C4orf51: variants seen among roughly 807,000 people sequenced by gnomAD.
The protein encoded by C4orf51 is uncharacterized protein C4orf51.
In C4orf51, 25 loss-of-function variants were observed where a neutral mutation model predicts 25.2. That is an observed-to-expected ratio of 0.99 (90% CI 0.72 to 1.39). The LOEUF (loss-of-function observed/expected upper bound fraction) is 1.39, where lower values mean the gene tolerates loss of function less well. C4orf51 is among the 40% of genes most tolerant of loss of function. The probability of loss-of-function intolerance (pLI) is 0.00; values close to 1 mark genes in which losing one functional copy is unlikely to be tolerated. For synonymous variants in C4orf51, 100 were observed against 84.5 expected (o/e 1.18, Z -1.01); for missense variants, 252 against 239.6 (o/e 1.05, Z -0.34).
intron 4 of C4orf51, 127 bp downstream of exon 4, chr4:145,729,356 C>T (rs538779206): frequency 1.2e-5 from 7 of 563,978 alleles, no homozygotes; most frequent in South Asian, 2.3e-5. Context: ...GGCTGACGTG[C>T]AGTGGCGCGA....
the C4orf51 span, among the ~76,000 whole-genome samples, chr4:145,790,341 A>G: frequency 6.6e-6 from 1 of 152,210 alleles, no homozygotes; most frequent in African/African-American, 2.4e-5. Flanking sequence ...AAAGGAATAA[A>G]CTAAATGAAA....
chr4:145,703,013 A>G (rs544874661), intron 2 of C4orf51, among the ~76,000 whole-genome samples: 65 of 151,374 alleles, frequency 4.3e-4, no homozygotes, highest in African/African-American at 1.5e-3. Flanking sequence ...ACACTTCAAC[A>G]CTATTTTGTT....
intron 2 of C4orf51, among the ~76,000 whole-genome samples, chr4:145,720,516 C>T (rs2126747394): frequency 6.6e-6 from 1 of 152,318 alleles, no homozygotes; most frequent in East Asian, 1.9e-4. Flanking sequence ...GTCGGCTGAG[C>T]TGTTGCTAGC....
chr4:145,789,019 A>G, the C4orf51 span, among the ~76,000 whole-genome samples: 1 of 152,254 alleles, frequency 6.6e-6, no homozygotes, highest in Non-Finnish European at 1.5e-5. Flanking sequence ...GTCATGAAAC[A>G]TAGTTCTAGA....
intron 2 of C4orf51, among the ~76,000 whole-genome samples, chr4:145,719,826 C>T (rs751333316): frequency 1.1e-4 from 17 of 152,056 alleles, no homozygotes; most frequent in Non-Finnish European, 2.4e-4. Context: ...AAATCTGAAA[C>T]GTATGCTTGA....
At chr4:145,686,388 A>C (rs775876510) in intron 1 of C4orf51, among the ~76,000 whole-genome samples, 1 of 152,226 alleles carries the variant, frequency 6.6e-6, no homozygotes, top group Non-Finnish European at 1.5e-5. Context: ...ACTTAAAAAT[A>C]ACTAAAATGA....
At chr4:145,691,910 G>A (rs1471848540) in intron 1 of C4orf51, among the ~76,000 whole-genome samples, 7 of 152,126 alleles carry the variant, frequency 4.6e-5, no homozygotes, top group Non-Finnish European at 1.0e-4. Flanking sequence ...TGTACCCCTT[G>A]AGTCTAAAAA....
intron 1 of C4orf51, among the ~76,000 whole-genome samples, chr4:145,747,646 T>C (rs1055500107): frequency 1.3e-5 from 2 of 151,868 alleles, no homozygotes; most frequent in East Asian, 3.9e-4. Flanking sequence ...GTGACATTGA[T>C]CTTTAGTCTC....
chr4:145,754,888 A>T (rs1266997486), downstream of C4orf51, among the ~76,000 whole-genome samples: 1 of 152,222 alleles, frequency 6.6e-6, no homozygotes, highest in African/African-American at 2.4e-5. Flanking sequence ...GTGAGCCGAG[A>T]TCATGCCACT....
chr4:145,752,893 G>A (rs1203556763), intron 1 of C4orf51, among the ~76,000 whole-genome samples: 1 of 151,078 alleles, frequency 6.6e-6, no homozygotes, highest in East Asian at 1.9e-4. Flanking sequence ...GTTGAGTTCA[G>A]CCTAGTTTTG....
the C4orf51 span, among the ~76,000 whole-genome samples, chr4:145,782,679 C>A: frequency 5.3e-5 from 8 of 152,226 alleles, no homozygotes. Flanking sequence ...AGGCACAAAT[C>A]TCATCATGTC....
chr4:145,727,941 A>G (rs34758563), intron 3 of C4orf51, among the ~76,000 whole-genome samples: 71 of 86,292 alleles, frequency 8.2e-4, no homozygotes, highest in African/African-American at 5.2e-3. Context: ...TTATATATAT[A>G]CATTATATAT....
downstream of C4orf51, among the ~76,000 whole-genome samples, chr4:145,733,245 AC>A (rs1732601388): frequency 6.8e-6 from 1 of 146,074 alleles, no homozygotes; most frequent in Non-Finnish European, 1.5e-5. Flanking sequence ...TCCACGGCCC[AC>A]CTCTTCTCCC....
chr4:145,774,447 G>C, downstream of C4orf51: 2 of 1,554,412 alleles, frequency 1.3e-6, no homozygotes, highest in Non-Finnish European at 1.8e-6. Flanking sequence ...CAGGTGGCAG[G>C]TGCTCTGGGG....
Position 145,745,528 on chromosome 4 carries a change from C to G in C4orf51, n.168-8679C>G, listed in dbSNP as rs150112995. The stretch of plus-strand genomic sequence containing the variant: ...TTAACATAACAATCTCCAGTTCCAT[C>G]TATGCTGTTGCAAATGATTGGATCT... On this transcript the variant is annotated intron_variant and non_coding_transcript_variant, in intron 1 of 1. Coordinates refer to the C4orf51 transcript ENST00000508981. Among the ~76,000 whole-genome samples the G allele has an allele frequency of 6.6e-5, 10 of 152,284 alleles. No individual in the cohort carries two copies. In the East Asian group the frequency reaches 1.9e-3, roughly 29 times the overall value.
chr4:145,704,256 A>G, intron 2 of C4orf51, among the ~76,000 whole-genome samples: 1 of 152,300 alleles, frequency 6.6e-6, no homozygotes, highest in East Asian at 1.9e-4. Flanking sequence ...GTTTTAAATA[A>G]ATAAACAATA....
downstream of C4orf51, among the ~76,000 whole-genome samples, chr4:145,771,437 G>T (rs1416134841): frequency 6.6e-6 from 1 of 152,216 alleles, no homozygotes; most frequent in African/African-American, 2.4e-5. Context: ...AATGTGAGGT[G>T]AGGTATTGAT....
At chr4:145,748,778 T>C (rs981188816) in intron 1 of C4orf51, among the ~76,000 whole-genome samples, 18 of 152,248 alleles carry the variant, frequency 1.2e-4, no homozygotes, top group African/African-American at 4.3e-4. Context: ...GTTTGTTTCA[T>C]GAACTAACAT....
chr4:145,784,266 G>A, the C4orf51 span, among the ~76,000 whole-genome samples: 2 of 152,208 alleles, frequency 1.3e-5, no homozygotes, highest in Non-Finnish European at 2.9e-5. Flanking sequence ...GCATTTCTCA[G>A]TAGCTGAGTG....
Sources: gnomAD v4.1 joint callset for allele counts (sites outside exome capture counted in the v4.1 genomes callset) on GRCh38, gnomAD v4.1.1 for gene constraint, MANE v1.5 for transcripts, NCBI Gene and HGNC (gene_info 2026-07-23, HGNC 2026-07-21) for gene names.